The following SLC24A2 variants were observed in gnomAD, a reference collection of about 807,000 sequenced individuals.
SLC24A2 encodes sodium/potassium/calcium exchanger 2.
Under a neutral mutation model 62.0 loss-of-function variants are expected in SLC24A2, and 36 were observed. The ratio of observed to expected loss-of-function variants is 0.58; its 90% CI spans 0.44 to 0.77. SLC24A2 has a LOEUF of 0.77. Ranked by LOEUF, SLC24A2 falls within the 30% of genes least tolerant of loss-of-function variation. SLC24A2 has a pLI of 0.00. For missense variants in SLC24A2, 846 were observed against 817.9 expected (o/e 1.03, Z -0.42); for synonymous variants, 358 against 294.0 (o/e 1.22, Z -2.23).
chr9:20,213,462 T>C, the SLC24A2 span, among the ~76,000 whole-genome samples: 1 of 148,730 alleles, frequency 6.7e-6, no homozygotes, highest in African/African-American at 2.6e-5. Flanking sequence ...AAGGGATTAA[T>C]GAGGATAACA....
the SLC24A2 span, among the ~76,000 whole-genome samples, chr9:20,284,617 A>AT: frequency 6.6e-6 from 1 of 152,088 alleles, no homozygotes; most frequent in Non-Finnish European, 1.5e-5. Context: ...AAAAGAAGAG[A>AT]TTTTTTTAAA....
rs1413636296 is a variant in SLC24A2 at position 19,510,877 on chromosome 9, G to C, written c.*5276C>G. 2.6e-5 allele frequency: 4 copies of C among 152,224 alleles called. No homozygotes were observed. The highest frequency in any genetic ancestry group is 6.6e-5 in the Admixed American group (1 of 15,250). 9.4% of individuals were successfully genotyped at this position (152,224 alleles called of 1,614,324 possible). On this transcript the variant is annotated 3_prime_UTR_variant, in exon 11 of 11. Transcript: ENST00000341998. Reference sequence around the variant, plus strand: ...CCTCTCGAATGCTGCCTGACTTGTGGATTTGCTTGTCCTTTGTAGCTGCTT... The same window carrying C: ...CCTCTCGAATGCTGCCTGACTTGTGCATTTGCTTGTCCTTTGTAGCTGCTT...
At chr9:19,658,673 T>C (rs1021492167) in intron 2 of SLC24A2, among the ~76,000 whole-genome samples, 2 of 152,180 alleles carry the variant, frequency 1.3e-5, no homozygotes, top group Non-Finnish European at 2.9e-5. Flanking sequence ...CATTTAGGTG[T>C]TGAATCAATG....
chr9:19,866,358 C>T, the SLC24A2 span, among the ~76,000 whole-genome samples: 1 of 152,086 alleles, frequency 6.6e-6, no homozygotes, highest in Non-Finnish European at 1.5e-5. Context: ...AGTATATATC[C>T]CAAAGAAAGG....
At chr9:19,986,408 T>A in the SLC24A2 span, among the ~76,000 whole-genome samples, 1 of 77,536 alleles carries the variant, frequency 1.3e-5, no homozygotes, top group African/African-American at 4.3e-5. Context: ...GATGACCCTA[T>A]ATAGGACCTA....
the SLC24A2 span, among the ~76,000 whole-genome samples, chr9:19,832,344 C>A: frequency 1.3e-5 from 2 of 152,168 alleles, no homozygotes; most frequent in African/African-American, 2.4e-5. Context: ...TATATACAAA[C>A]CTACTTAATT....
At chr9:19,931,048 A>T in the SLC24A2 span, among the ~76,000 whole-genome samples, 1 of 152,366 alleles carries the variant, frequency 6.6e-6, no homozygotes, top group Non-Finnish European at 1.5e-5. Context: ...AAAAGACATT[A>T]AATAATCATG....
the SLC24A2 span, among the ~76,000 whole-genome samples, chr9:19,948,316 C>A: frequency 6.6e-6 from 1 of 152,172 alleles, no homozygotes; most frequent in African/African-American, 2.4e-5. Flanking sequence ...TGAAGGCAGG[C>A]TCCCAGTCTT....
the SLC24A2 span, among the ~76,000 whole-genome samples, chr9:20,142,000 TGGAACCTG>T: frequency 6.6e-6 from 1 of 152,062 alleles, no homozygotes; most frequent in East Asian, 1.9e-4. Flanking sequence ...GGAGAACTAT[TGGAACCTG>T]GGAGGCAGAG....
chr9:20,146,915 G>A, the SLC24A2 span, among the ~76,000 whole-genome samples: 1 of 152,040 alleles, frequency 6.6e-6, no homozygotes, highest in African/African-American at 2.4e-5. Flanking sequence ...CCACTAGTCA[G>A]GCTCTTATGT....
At chr9:19,608,629 C>A (rs1057111982) in intron 4 of SLC24A2, among the ~76,000 whole-genome samples, 1 of 152,154 alleles carries the variant, frequency 6.6e-6, no homozygotes, top group Non-Finnish European at 1.5e-5. Flanking sequence ...ATATGACTTC[C>A]CATAGCCACT....
chr9:19,681,320 G>A (rs1029318155), intron 2 of SLC24A2, among the ~76,000 whole-genome samples: 6 of 152,142 alleles, frequency 3.9e-5, no homozygotes, highest in Admixed American at 3.9e-4. Flanking sequence ...TCTCAGGAAG[G>A]CTTTCTCCGG....
At chr9:20,011,509 G>C in the SLC24A2 span, among the ~76,000 whole-genome samples, 1 of 152,064 alleles carries the variant, frequency 6.6e-6, no homozygotes, top group Non-Finnish European at 1.5e-5. Context: ...TTATCCCTTA[G>C]AAAGAGAAAG....
the SLC24A2 span, among the ~76,000 whole-genome samples, chr9:20,044,705 T>C: frequency 6.6e-6 from 1 of 152,198 alleles, no homozygotes; most frequent in Non-Finnish European, 1.5e-5. Flanking sequence ...GAAATGCAAA[T>C]TGTTATTTTC....
the SLC24A2 span, among the ~76,000 whole-genome samples, chr9:20,239,975 T>C: frequency 6.6e-6 from 1 of 150,646 alleles, no homozygotes; most frequent in Non-Finnish European, 1.5e-5. Context: ...TAGGAAAGGG[T>C]TACCCTGTCT....
At chr9:19,961,244 G>T in the SLC24A2 span, among the ~76,000 whole-genome samples, 1 of 150,902 alleles carries the variant, frequency 6.6e-6, no homozygotes, top group Admixed American at 6.6e-5. Flanking sequence ...TAAAAAAAAA[G>T]AAATCAGAAT....
At chr9:19,541,371 C>T (rs1473711506) in intron 8 of SLC24A2, among the ~76,000 whole-genome samples, 1 of 151,548 alleles carries the variant, frequency 6.6e-6, no homozygotes, top group East Asian at 1.9e-4. Context: ...TGGTGATGTA[C>T]AGATGGGTTT....
intron 10 of SLC24A2, among the ~76,000 whole-genome samples, chr9:19,520,364 A>G (rs1833134937): frequency 6.6e-6 from 1 of 152,228 alleles, no homozygotes; most frequent in African/African-American, 2.4e-5. Context: ...CTTCATTATA[A>G]GAACAGGTCT....
At chr9:20,059,232 CAA>C in the SLC24A2 span, among the ~76,000 whole-genome samples, 30 of 152,102 alleles carry the variant, frequency 2.0e-4, no homozygotes, top group South Asian at 2.1e-4. Context: ...AAGAGGGAAA[CAA>C]GAGAACATTT....
Sources: gnomAD v4.1 joint callset for allele counts (sites outside exome capture counted in the v4.1 genomes callset) on GRCh38, gnomAD v4.1.1 for gene constraint, MANE v1.5 for transcripts, NCBI Gene and HGNC (gene_info 2026-07-23, HGNC 2026-07-21) for gene names.